Variants in PTBP3 observed in about 807,000 individuals in gnomAD.
PTBP3 encodes the protein polypyrimidine tract-binding protein 3.
Under a neutral mutation model 58.7 loss-of-function variants are expected in PTBP3, and 20 were observed. That is an observed-to-expected ratio of 0.34 (90% CI 0.24 to 0.50). The LOEUF (loss-of-function observed/expected upper bound fraction) is 0.50, where lower values mean the gene tolerates loss of function less well. Ranked by LOEUF, PTBP3 falls within the 20% of genes least tolerant of loss-of-function variation. The pLI, the probability that PTBP3 is intolerant of heterozygous loss-of-function variation, is 0.98. For missense variants in PTBP3, 509 were observed against 637.2 expected, an observed-to-expected ratio of 0.80 and a Z score of 2.17; for synonymous variants, 185 against 219.8, an observed-to-expected ratio of 0.84 and a Z score of 1.40.
At chr9:112,320,433 C>T (rs1047379607) in intron 1 of PTBP3, among the ~76,000 whole-genome samples, 1 of 150,424 alleles carries the variant, frequency 6.6e-6, no homozygotes, top group Non-Finnish European at 1.5e-5. Context: ...TGAATATATA[C>T]AATTTTTGTC....
Position 112,220,067 on chromosome 9 carries a change from G to C in PTBP3, c.*3784C>G, listed in dbSNP as rs1834750064. 1 of 1,180,002 alleles carries C rather than the reference G, an allele frequency of 8.5e-7. No homozygotes were observed. Among genetic ancestry groups the C allele is most frequent in the Non-Finnish European group, 1.1e-6 (1 of 932,086 alleles). 73.1% of individuals were successfully genotyped at this position (1,180,002 alleles called of 1,614,324 possible). On this transcript the variant is annotated 3_prime_UTR_variant, in exon 14 of 14. Coordinates refer to ENST00000374257, the MANE Select transcript of PTBP3 (RefSeq NM_001163788.4). ...CAGATCAAGACAAAGGAAAGGCTAAGAAAAATGCTTTACGCATCGTCACGC... is the reference window on the plus strand; with the variant it reads ...CAGATCAAGACAAAGGAAAGGCTAACAAAAATGCTTTACGCATCGTCACGC...
intron 11 of PTBP3, 69 bp downstream of exon 11, chr9:112,228,311 T>C (rs1323719456): frequency 1.8e-6 from 2 of 1,137,324 alleles, no homozygotes; most frequent in Non-Finnish European, 2.5e-6. Flanking sequence ...CTAGCTGTAT[T>C]TTGAAGGAAA....
At chr9:112,271,301 G>C (rs1161095773) in intron 3 of PTBP3, among the ~76,000 whole-genome samples, 1 of 152,172 alleles carries the variant, frequency 6.6e-6, no homozygotes, top group East Asian at 1.9e-4. Context: ...CTTACTAGCT[G>C]AGCATCCCTA....
chr9:112,227,853 C>T (rs1345617811), intron 11 of PTBP3, among the ~76,000 whole-genome samples: 1 of 152,060 alleles, frequency 6.6e-6, no homozygotes, highest in African/African-American at 2.4e-5. Context: ...ATTTTCTGAG[C>T]AGAGTGCTAT....
chr9:112,375,847 T>A, the PTBP3 span, among the ~76,000 whole-genome samples: 1 of 152,106 alleles, frequency 6.6e-6, no homozygotes, highest in African/African-American at 2.4e-5. Context: ...AAACGTTCAG[T>A]TTCCACCAAA....
intron 1 of PTBP3, among the ~76,000 whole-genome samples, chr9:112,311,123 G>T (rs1357168708): frequency 2.0e-5 from 3 of 152,068 alleles, no homozygotes; most frequent in African/African-American, 7.2e-5. Flanking sequence ...AAAGAGGGAA[G>T]GACTCTGGTT....
chr9:112,262,621 G>C, intron 4 of PTBP3, 22 bp from the exon 5 acceptor site: 1 of 1,527,314 alleles, frequency 6.5e-7, no homozygotes, highest in East Asian at 2.4e-5. Flanking sequence ...CCCAAAATGA[G>C]AACTTTTGAT....
chr9:112,269,274 AG>A (rs1827266000), intron 3 of PTBP3, among the ~76,000 whole-genome samples: 1 of 151,586 alleles, frequency 6.6e-6, no homozygotes, highest in Admixed American at 6.6e-5. Context: ...GGGGGCAATT[AG>A]GGGGTAAAAA....
At chr9:112,361,566 CTTTT>C in the PTBP3 span, among the ~76,000 whole-genome samples, 1 of 136,350 alleles carries the variant, frequency 7.3e-6, no homozygotes, top group Non-Finnish European at 1.6e-5. Context: ...CCTTATTTTC[CTTTT>C]TTGAGAGCTA....
the PTBP3 span, among the ~76,000 whole-genome samples, chr9:112,357,025 A>C: frequency 2.0e-5 from 3 of 151,624 alleles, no homozygotes; most frequent in African/African-American, 7.3e-5. Context: ...GATTATAGGC[A>C]CCCGCCACCA....
chr9:112,347,763 G>A, the PTBP3 span, among the ~76,000 whole-genome samples: 1 of 152,112 alleles, frequency 6.6e-6, no homozygotes, highest in Non-Finnish European at 1.5e-5. Flanking sequence ...AACATGACAA[G>A]GGATTAATAC....
chr9:112,286,143 A>G (rs1195223797), intron 2 of PTBP3, among the ~76,000 whole-genome samples: 1 of 152,124 alleles, frequency 6.6e-6, no homozygotes, highest in African/African-American at 2.4e-5. Flanking sequence ...CATTTTTATG[A>G]TTAGTGTTTG....
intron 2 of PTBP3, among the ~76,000 whole-genome samples, chr9:112,297,157 G>A (rs1828723025): frequency 1.3e-5 from 2 of 151,964 alleles, no homozygotes; most frequent in Non-Finnish European, 2.9e-5. Flanking sequence ...TTTTTAAAAC[G>A]TATCGTCTTA....
At chr9:112,264,854 T>C (rs962564246) in intron 4 of PTBP3, among the ~76,000 whole-genome samples, 2 of 152,184 alleles carry the variant, frequency 1.3e-5, no homozygotes, top group African/African-American at 2.4e-5. Context: ...ATCTAATCTT[T>C]TAAGATTTAT....
the PTBP3 span, among the ~76,000 whole-genome samples, chr9:112,374,463 A>C: frequency 6.6e-6 from 1 of 152,184 alleles, no homozygotes; most frequent in Non-Finnish European, 1.5e-5. Context: ...CTATGGGAGA[A>C]ACAGTACCAT....
chr9:112,271,543 T>C (rs934579883), intron 3 of PTBP3, among the ~76,000 whole-genome samples: 9 of 152,088 alleles, frequency 5.9e-5, no homozygotes, highest in Non-Finnish European at 1.2e-4. Context: ...CAATGTGGTG[T>C]AACCCCTTCT....
intron 1 of PTBP3, among the ~76,000 whole-genome samples, chr9:112,307,684 T>G (rs1200307964): frequency 1.3e-5 from 2 of 152,224 alleles, no homozygotes; most frequent in Non-Finnish European, 2.9e-5. Flanking sequence ...ACCACAATTT[T>G]CTAGCCAAGT....
intron 1 of PTBP3, chr9:112,330,601 T>C: frequency 3.2e-6 from 2 of 624,204 alleles, no homozygotes; most frequent in Non-Finnish European, 5.4e-6. Flanking sequence ...AAGAATGTGA[T>C]GAGTTGTGAA....
Position 112,223,833 on chromosome 9 carries a change from GA to G in PTBP3, c.*17del, listed in dbSNP as rs754280501. 2.0e-5 allele frequency: 33 copies of G among 1,613,216 alleles called. No homozygotes were observed. The highest frequency in any genetic ancestry group is 6.7e-5 in the African/African-American group (5 of 74,848). On this transcript the variant is annotated 3_prime_UTR_variant, in exon 14 of 14. Coordinates refer to ENST00000374257, the MANE Select transcript of PTBP3 (RefSeq NM_001163788.4). ...CTGAAATTATGGTCCAGTTTTAGGA[GA>G]AAAATTCACAGAAAAGTCAGATTGT...
Sources: gnomAD v4.1 joint callset for allele counts (sites outside exome capture counted in the v4.1 genomes callset) on GRCh38, gnomAD v4.1.1 for gene constraint, MANE v1.5 for transcripts, NCBI Gene and HGNC (gene_info 2026-07-23, HGNC 2026-07-21) for gene names.